The following FYN variants were observed in gnomAD, a reference collection of about 807,000 sequenced individuals.
FYN encodes the protein tyrosine-protein kinase Fyn.
In FYN, 10 loss-of-function variants were observed where a neutral mutation model predicts 70.2. That is an observed-to-expected ratio of 0.14 (90% CI 0.09 to 0.24). The LOEUF (loss-of-function observed/expected upper bound fraction) is 0.24. FYN is among the 10% of genes least tolerant of loss of function. FYN has a pLI of 1.00. For synonymous variants in FYN, 236 were observed against 248.6 expected (o/e 0.95, Z 0.48); for missense variants, 319 against 673.1 (o/e 0.47, Z 5.82).
intron 2 of FYN, among the ~76,000 whole-genome samples, chr6:111,836,804 G>A (rs946037727): frequency 6.6e-6 from 1 of 152,010 alleles, no homozygotes; most frequent in Non-Finnish European, 1.5e-5. Flanking sequence ...TTTTCTGAAC[G>A]GACACATTTT....
chr6:111,819,912 TAA>T (rs1279104968), intron 2 of FYN: 5 of 152,202 alleles, frequency 3.3e-5, no homozygotes, highest in Non-Finnish European at 7.3e-5. Context: ...TAAGAATATT[TAA>T]AAGTTTCATT....
chr6:111,802,058 T>C (rs375601957), intron 2 of FYN, among the ~76,000 whole-genome samples: 19 of 152,272 alleles, frequency 1.2e-4, no homozygotes, highest in African/African-American at 4.6e-4. Context: ...ACTGATATGG[T>C]TTGGATCTGT....
intron 2 of FYN, among the ~76,000 whole-genome samples, chr6:111,813,686 T>C (rs1772396651): frequency 6.6e-6 from 1 of 152,108 alleles, no homozygotes; most frequent in Admixed American, 6.5e-5. Context: ...ATCTACAAAA[T>C]GGAGATAATA....
chr6:111,821,798 C>A (rs965353166), intron 2 of FYN, among the ~76,000 whole-genome samples: 22 of 151,732 alleles, frequency 1.4e-4, no homozygotes, highest in Admixed American at 5.3e-4. Context: ...GAAAAAAAAA[C>A]CCCATCAACA....
chr6:111,694,670 T>C lies in FYN; in HGVS notation c.1077A>G (p.Gly359=). 8.7e-6 allele frequency: 14 copies of C among 1,614,008 alleles called. No individual in the cohort carries two copies. Among genetic ancestry groups the C allele is most frequent in the Non-Finnish European group, 1.2e-5 (14 of 1,179,974 alleles). ...SLLDFLKDGE[G]RALKLPNLVD... is the part of the protein sequence containing the mutation. ...CAAGATTTGGTAATTTCAGAGCTCT[T>C]CCTTCTCCATCTTTTAAGAAATCCA... Residue 359 remains glycine, a synonymous_variant, in exon 11 of 14, where the codon GGA becomes GGG. Transcript: ENST00000354650. The surrounding 1 kb of genome is among the most constrained non-coding windows in gnomAD (Gnocchi z 5.0).
intron 8 of FYN, 188 bp downstream of exon 8, chr6:111,702,697 A>G (rs1799897038): frequency 2.3e-6 from 1 of 434,844 alleles, no homozygotes; most frequent in Non-Finnish European, 4.0e-6. Flanking sequence ...GGAACTAATA[A>G]TAACAACAGT....
intron 3 of FYN, among the ~76,000 whole-genome samples, chr6:111,731,149 A>T (rs1801431607): frequency 1.3e-5 from 2 of 152,160 alleles, no homozygotes; most frequent in Non-Finnish European, 2.9e-5. Flanking sequence ...GGCCGAACAA[A>T]ACCCGCCCTG....
At chr6:111,768,402 T>A (rs750171332) in intron 3 of FYN, among the ~76,000 whole-genome samples, 11 of 152,048 alleles carry the variant, frequency 7.2e-5, no homozygotes, top group Non-Finnish European at 1.3e-4. Context: ...GTAGGGAAAG[T>A]CAAAACTTTC....
chr6:111,700,474 G>A (rs1334675964), intron 8 of FYN, among the ~76,000 whole-genome samples: 2 of 152,106 alleles, frequency 1.3e-5, no homozygotes, highest in African/African-American at 4.8e-5. Context: ...CCACACACAC[G>A]GTGGAAGATC....
intron 3 of FYN, among the ~76,000 whole-genome samples, chr6:111,746,320 G>A (rs1365684144): frequency 1.3e-5 from 2 of 152,148 alleles, no homozygotes; most frequent in African/African-American, 4.8e-5. Context: ...ATGCACTGGG[G>A]TCCCTTTGTA....
chr6:111,810,237 T>G (rs1287247596), intron 2 of FYN, among the ~76,000 whole-genome samples: 3 of 152,166 alleles, frequency 2.0e-5, no homozygotes, highest in Non-Finnish European at 4.4e-5. Flanking sequence ...AAGGTAAAGG[T>G]GGTCTCCTTG....
intron 3 of FYN, among the ~76,000 whole-genome samples, chr6:111,755,822 C>T (rs1039801378): frequency 1.3e-5 from 2 of 152,060 alleles, no homozygotes; most frequent in Non-Finnish European, 2.9e-5. Context: ...ATTCTTATAA[C>T]TGAGTGATGA....
intron 1 of FYN, among the ~76,000 whole-genome samples, chr6:111,857,520 A>G (rs917686470): frequency 5.3e-5 from 8 of 152,230 alleles, no homozygotes; most frequent in African/African-American, 1.9e-4. Context: ...GTATACTATA[A>G]GAGTATAGGT....
chr6:111,817,378 T>C (rs1241236287), intron 2 of FYN, among the ~76,000 whole-genome samples: 1 of 152,214 alleles, frequency 6.6e-6, no homozygotes, highest in Non-Finnish European at 1.5e-5. Flanking sequence ...TCTTTCCCCT[T>C]GATTTCTCAA....
At chr6:111,699,662 C>A in intron 9 of FYN, 3 of 1,613,152 alleles carry the variant, frequency 1.9e-6, no homozygotes, top group South Asian at 1.1e-5. Context: ...CACAAACCAT[C>A]AGCTTTCTCT....
chr6:111,662,272 T>C (rs1295353717), intron 13 of FYN, among the ~76,000 whole-genome samples: 1 of 152,098 alleles, frequency 6.6e-6, no homozygotes, highest in African/African-American at 2.4e-5. Context: ...AGTGGCTGCC[T>C]GGGGGAGGGG....
chr6:111,774,864 G>A (rs1394628252), intron 3 of FYN, among the ~76,000 whole-genome samples: 1 of 152,094 alleles, frequency 6.6e-6, no homozygotes, highest in Non-Finnish European at 1.5e-5. Flanking sequence ...AATTATAGGC[G>A]TGTGCCACCA....
chr6:111,833,802 C>G (rs1352949470), intron 2 of FYN, among the ~76,000 whole-genome samples: 2 of 152,308 alleles, frequency 1.3e-5, no homozygotes, highest in East Asian at 3.9e-4. Flanking sequence ...TGCACACACT[C>G]TAAGACCCAG....
rs111261900 is a variant in FYN at position 111,765,262 on chromosome 6, G to A, written c.-12+15304C>T. Among the ~76,000 whole-genome samples the A allele has an allele frequency of 3.9e-4, 59 of 152,234 alleles. 1 individual carries two copies. The highest frequency in any genetic ancestry group is 1.4e-3 in the African/African-American group (57 of 41,534). ...ATGTGTTGAAGCCCTAACCCCCAATGTAACTGTATTTGGAGAAGGGGGCCT... is the reference window on the plus strand; with the variant it reads ...ATGTGTTGAAGCCCTAACCCCCAATATAACTGTATTTGGAGAAGGGGGCCT... On this transcript the variant is annotated intron_variant, in intron 3 of 13. Transcript: ENST00000354650.
Sources: allele counts gnomAD v4.1 joint callset (sites outside exome capture counted in the v4.1 genomes callset), GRCh38; gene constraint gnomAD v4.1.1; non-coding constraint Gnocchi (gnomAD v3.1); transcripts MANE v1.5; gene names NCBI Gene and HGNC (gene_info 2026-07-23, HGNC 2026-07-21).